Variants in NRG3 observed in about 807,000 individuals in gnomAD.
The protein encoded by NRG3 is neuregulin 3, also known as pro-neuregulin-3, membrane-bound isoform.
Under a neutral mutation model 66.9 loss-of-function variants are expected in NRG3, and 31 were observed. The ratio of observed to expected loss-of-function variants is 0.46; its 90% CI spans 0.35 to 0.63. NRG3 has a LOEUF of 0.63. Among genes scored for constraint, NRG3 ranks in the 20% least tolerant of loss-of-function variants. NRG3 has a pLI of 0.00. For synonymous variants in NRG3, 393 were observed against 359.4 expected (o/e 1.09, Z -1.06); for missense variants, 910 against 878.9 (o/e 1.04, Z -0.45).
chr10:82,671,548 G>T (rs2053276111), intron 2 of NRG3, among the ~76,000 whole-genome samples: 1 of 152,214 alleles, frequency 6.6e-6, no homozygotes, highest in Non-Finnish European at 1.5e-5. Context: ...TGAACAGGGT[G>T]CAGAGCTTGG....
chr10:82,256,460 C>G (rs943310935), intron 1 of NRG3, among the ~76,000 whole-genome samples: 5 of 152,102 alleles, frequency 3.3e-5, no homozygotes, highest in African/African-American at 1.2e-4. Context: ...AGGTGTCACG[C>G]TGGATGTTCT....
chr10:82,523,487 A>G (rs1221716450), intron 2 of NRG3, among the ~76,000 whole-genome samples: 3 of 152,038 alleles, frequency 2.0e-5, no homozygotes, highest in Non-Finnish European at 2.9e-5. Context: ...TGGTAAGCAT[A>G]TTTTAATGTC....
intron 2 of NRG3, among the ~76,000 whole-genome samples, chr10:82,449,608 C>A (rs2090918991): frequency 6.6e-6 from 1 of 152,132 alleles, no homozygotes; most frequent in South Asian, 2.1e-4. Flanking sequence ...TGCATTCTTG[C>A]ATTTGTCTCT....
At chr10:82,664,630 A>C (rs749847337) in intron 2 of NRG3, among the ~76,000 whole-genome samples, 13 of 152,158 alleles carry the variant, frequency 8.5e-5, no homozygotes, top group African/African-American at 1.9e-4. Flanking sequence ...GTTGAGGCTT[A>C]TGGATGGAGG....
intron 1 of NRG3, among the ~76,000 whole-genome samples, chr10:81,979,372 A>C (rs1328592081): frequency 6.6e-6 from 1 of 152,018 alleles, no homozygotes; most frequent in Non-Finnish European, 1.5e-5. Flanking sequence ...GCTCATATCT[A>C]ATGGGAGCAT....
intron 1 of NRG3, among the ~76,000 whole-genome samples, chr10:81,924,668 G>GA (rs1846595077): frequency 6.6e-6 from 1 of 152,164 alleles, no homozygotes; most frequent in African/African-American, 2.4e-5. Context: ...TAAGACTCTA[G>GA]ACCATCGTTC....
At chr10:82,351,430 G>C (rs938805755) in intron 1 of NRG3, among the ~76,000 whole-genome samples, 7 of 152,172 alleles carry the variant, frequency 4.6e-5, no homozygotes, top group Non-Finnish European at 1.0e-4. Context: ...TCAGAAGAAG[G>C]AGAGCCATGT....
intron 2 of NRG3, among the ~76,000 whole-genome samples, chr10:82,678,361 G>T (rs1470529422): frequency 6.6e-6 from 1 of 152,072 alleles, no homozygotes; most frequent in East Asian, 1.9e-4. Context: ...GTCAAAGGGG[G>T]TTGTTCTCTG....
chr10:82,902,134 G>C (rs1473287616), intron 4 of NRG3, among the ~76,000 whole-genome samples: 2 of 152,096 alleles, frequency 1.3e-5, no homozygotes, highest in Non-Finnish European at 1.5e-5. Flanking sequence ...CAACCTTGAT[G>C]ATGAGACTCA....
At chr10:82,779,646 A>G (rs2060040122) in intron 3 of NRG3, among the ~76,000 whole-genome samples, 1 of 151,946 alleles carries the variant, frequency 6.6e-6, no homozygotes, top group African/African-American at 2.4e-5. Flanking sequence ...AAGTTTTATT[A>G]TGATTATTAT....
At chr10:81,909,168 C>G (rs191355961) in intron 1 of NRG3, among the ~76,000 whole-genome samples, 2 of 152,172 alleles carry the variant, frequency 1.3e-5, no homozygotes, top group Non-Finnish European at 2.9e-5. Flanking sequence ...ATTTATCCCT[C>G]CAATCTCCAC....
At chr10:82,654,107 TG>T (rs1268844709) in intron 2 of NRG3, among the ~76,000 whole-genome samples, 2 of 152,288 alleles carry the variant, frequency 1.3e-5, no homozygotes, top group East Asian at 3.9e-4. Context: ...TTTTTTTTCC[TG>T]GGGTTGCATG....
chr10:82,680,742 A>G lies in NRG3; in HGVS notation c.954-57835A>G, dbSNP rs574673153. Among the ~76,000 whole-genome samples the G allele has an allele frequency of 3.9e-5, 6 of 152,314 alleles. No homozygotes were observed. The South Asian group carries it at 1.2e-3, about 32-fold the overall frequency. ...ATATGGTGAAGCTTTCTTCAGAGCC[A>G]TTTCTTTTGCTGCAGACACATAATA... On this transcript the variant is annotated intron_variant, in intron 2 of 8. Transcript: ENST00000372141.
At chr10:82,718,476 CA>C (rs2057106879) in intron 2 of NRG3, among the ~76,000 whole-genome samples, 1 of 152,044 alleles carries the variant, frequency 6.6e-6, no homozygotes, top group African/African-American at 2.4e-5. Flanking sequence ...CATCTGTGGA[CA>C]AAAGAAAAGT....
intron 1 of NRG3, among the ~76,000 whole-genome samples, chr10:82,343,379 A>G (rs1426811270): frequency 2.6e-5 from 4 of 152,086 alleles, no homozygotes; most frequent in Non-Finnish European, 4.4e-5. Flanking sequence ...CAAAACTACA[A>G]AACACTAATC....
intron 2 of NRG3, among the ~76,000 whole-genome samples, chr10:82,429,253 A>T (rs916954951): frequency 2.6e-5 from 4 of 152,046 alleles, no homozygotes; most frequent in Non-Finnish European, 2.9e-5. Flanking sequence ...CAAAACAAGT[A>T]TATTTATATT....
At chr10:82,906,571 A>G (rs959996949) in intron 4 of NRG3, among the ~76,000 whole-genome samples, 5 of 152,186 alleles carry the variant, frequency 3.3e-5, no homozygotes, top group African/African-American at 1.2e-4. Context: ...AATTTTGCCT[A>G]TTTCTATATT....
chr10:82,815,685 T>TG (rs933865348), intron 3 of NRG3, among the ~76,000 whole-genome samples: 2 of 152,122 alleles, frequency 1.3e-5, no homozygotes, highest in Non-Finnish European at 2.9e-5. Context: ...AGGTTTCAGC[T>TG]GGAAACCTCT....
chr10:82,546,822 C>T (rs1183489970), intron 2 of NRG3, among the ~76,000 whole-genome samples: 1 of 152,130 alleles, frequency 6.6e-6, no homozygotes, highest in African/African-American at 2.4e-5. Flanking sequence ...AATGGAATTG[C>T]ATATCATGTA....
Sources: gnomAD v4.1 joint callset for allele counts (sites outside exome capture counted in the v4.1 genomes callset) on GRCh38, gnomAD v4.1.1 for gene constraint, MANE v1.5 for transcripts, NCBI Gene and HGNC (gene_info 2026-07-23, HGNC 2026-07-21) for gene names.